NBEA: variants seen among roughly 807,000 people sequenced by gnomAD.
NBEA encodes the protein neurobeachin.
NBEA carries 44 observed loss-of-function variants against 343.4 expected under a neutral mutation model. That is an observed-to-expected ratio of 0.13 (90% CI 0.10 to 0.16). The LOEUF (loss-of-function observed/expected upper bound fraction) is 0.16. NBEA is among the 10% of genes least tolerant of loss of function. The probability of loss-of-function intolerance (pLI) is 1.00; values close to 1 mark genes in which losing one functional copy is unlikely to be tolerated. For missense variants in NBEA, 2,555 were observed against 3,631.3 expected, an observed-to-expected ratio of 0.70 and a Z score of 7.62; for synonymous variants, 1,175 against 1,238.7, an observed-to-expected ratio of 0.95 and a Z score of 1.08.
intron 18 of NBEA, among the ~76,000 whole-genome samples, chr13:35,144,703 T>G (rs2068307922): frequency 6.6e-6 from 1 of 152,094 alleles, no homozygotes; most frequent in Admixed American, 6.6e-5. Flanking sequence ...TCCTGCTGAT[T>G]AGAGATGTTG....
chr13:35,568,765 G>A (rs1331563086), intron 45 of NBEA, among the ~76,000 whole-genome samples: 1 of 152,136 alleles, frequency 6.6e-6, no homozygotes, highest in Non-Finnish European at 1.5e-5. Context: ...AATCCAAAGT[G>A]CTGCAGTGTT....
chr13:35,339,219 G>A (rs1302754611), intron 36 of NBEA, among the ~76,000 whole-genome samples: 1 of 151,754 alleles, frequency 6.6e-6, no homozygotes, highest in African/African-American at 2.4e-5. Flanking sequence ...CTCTCTATTT[G>A]TAGAAGGTAG....
intron 39 of NBEA, among the ~76,000 whole-genome samples, chr13:35,436,788 A>T (rs2045468674): frequency 6.6e-6 from 1 of 152,164 alleles, no homozygotes; most frequent in Admixed American, 6.5e-5. Flanking sequence ...TGGTCAAAAA[A>T]TTTTATATTG....
chr13:35,635,180 T>G (rs1446065452), intron 49 of NBEA, among the ~76,000 whole-genome samples: 2 of 152,180 alleles, frequency 1.3e-5, no homozygotes, highest in African/African-American at 4.8e-5. Flanking sequence ...ATTCTTTCTA[T>G]TATTCTTTAT....
At chr13:35,601,132 G>T (rs1566389770) in intron 47 of NBEA, among the ~76,000 whole-genome samples, 2 of 151,222 alleles carry the variant, frequency 1.3e-5, no homozygotes, top group Non-Finnish European at 2.9e-5. Context: ...AGCCGAGATG[G>T]CACCATTGCA....
chr13:35,296,254 A>G (rs2036121117), intron 35 of NBEA, among the ~76,000 whole-genome samples: 1 of 151,838 alleles, frequency 6.6e-6, no homozygotes, highest in African/African-American at 2.4e-5. Context: ...GGTGGTGGGC[A>G]CCTGTAGTCC....
chr13:35,067,075 T>C (rs2063679523), intron 8 of NBEA, among the ~76,000 whole-genome samples: 1 of 152,124 alleles, frequency 6.6e-6, no homozygotes, highest in Non-Finnish European at 1.5e-5. Context: ...TCTCTGTTTT[T>C]GTGATATTAT....
chr13:35,357,490 C>A (rs1046654010), intron 38 of NBEA, among the ~76,000 whole-genome samples: 2 of 151,948 alleles, frequency 1.3e-5, no homozygotes, highest in Non-Finnish European at 2.9e-5. Context: ...TGTTGTTCCC[C>A]TCTATATGTC....
chr13:35,467,341 A>G (rs932693495), intron 40 of NBEA, among the ~76,000 whole-genome samples: 13 of 151,972 alleles, frequency 8.6e-5, no homozygotes, highest in African/African-American at 1.9e-4. Context: ...GCATGGTGGT[A>G]TGCACCTGTA....
chr13:34,994,620 G>GA (rs2060877002), intron 1 of NBEA, among the ~76,000 whole-genome samples: 1 of 152,072 alleles, frequency 6.6e-6, no homozygotes, highest in Non-Finnish European at 1.5e-5. Context: ...TGAATATGGA[G>GA]AAAATCCTAC....
rs11355447 is a variant in NBEA, at chr13:35,407,517, CAA to C, written c.6180-24738_6180-24737del. 4.0e-3 allele frequency among the ~76,000 whole-genome samples: 542 copies of C among 135,138 alleles called. 3 individuals are homozygous for C. Among genetic ancestry groups the C allele is most frequent in the African/African-American group, 3.5e-3 (124 of 35,516 alleles). The allele number at this position is 135,138 out of a possible 152,430, so 88.7% of individuals were successfully genotyped here. A position where few individuals can be genotyped will look rare whatever the true frequency, so the allele number is the denominator to read the frequency against. ...ATCAGAAGACCTTTCTGCATCATTT[CAA>C]AAAAAAAAAAAAAGGCTGTAAGCCT... On this transcript the variant is annotated intron_variant, in intron 38 of 58. Coordinates refer to ENST00000379939, the MANE Select transcript of NBEA (RefSeq NM_001385012.1).
chr13:35,110,122 T>C (rs1016821367), intron 12 of NBEA, among the ~76,000 whole-genome samples: 1 of 150,126 alleles, frequency 6.7e-6, no homozygotes, highest in African/African-American at 2.5e-5. Context: ...TAGTTACATA[T>C]GTATACATGT....
At chr13:35,420,335 C>G (rs955624009) in intron 38 of NBEA, among the ~76,000 whole-genome samples, 12 of 151,944 alleles carry the variant, frequency 7.9e-5, no homozygotes, top group African/African-American at 2.9e-4. Context: ...AATTGTGAAT[C>G]GTTGCTAAAT....
chr13:35,191,870 T>G (rs1431642052), intron 30 of NBEA, among the ~76,000 whole-genome samples: 1 of 152,104 alleles, frequency 6.6e-6, no homozygotes, highest in Non-Finnish European at 1.5e-5. Flanking sequence ...TAAATCATGG[T>G]AAAACAGGAT....
At chr13:35,199,117 G>A (rs61947436) in intron 31 of NBEA, among the ~76,000 whole-genome samples, 5,175 of 152,134 alleles carry the variant, frequency 0.034, 92 homozygotes, top group South Asian at 0.055. Flanking sequence ...AAACTCTGAA[G>A]CTTTGAGCAG....
intron 41 of NBEA, among the ~76,000 whole-genome samples, chr13:35,542,160 C>G (rs1054615582): frequency 6.6e-6 from 1 of 151,836 alleles, no homozygotes; most frequent in Non-Finnish European, 1.5e-5. Flanking sequence ...ACACCCCCCC[C>G]CCACCGCATA....
In NBEA at chr13:35,500,025, T is replaced by C. The variant is rs556078274; in HGVS notation, c.6585+27489T>C. Among the ~76,000 whole-genome samples, 846 of 152,200 alleles carry C rather than the reference T, an allele frequency of 5.6e-3. 5 individuals carry two copies. Among genetic ancestry groups the C allele is most frequent in the Non-Finnish European group, 9.2e-3 (623 of 67,988 alleles). On this transcript the variant is annotated intron_variant, in intron 41 of 58. Coordinates refer to ENST00000379939, the MANE Select transcript of NBEA (RefSeq NM_001385012.1). ...GCTCTTCTGCTTTAATAGCAGCTTATTAAATTTGGGTCAAGCGTACTCTGA... is the reference window on the plus strand; with the variant it reads ...GCTCTTCTGCTTTAATAGCAGCTTACTAAATTTGGGTCAAGCGTACTCTGA...
At chr13:35,435,978 GA>G (rs879465384) in intron 39 of NBEA, among the ~76,000 whole-genome samples, 4 of 149,740 alleles carry the variant, frequency 2.7e-5, no homozygotes, top group Admixed American at 6.6e-5. Context: ...AAAGACAGGG[GA>G]AAAAAAGCTA....
chr13:35,413,485 T>A (rs1379212647), intron 38 of NBEA, among the ~76,000 whole-genome samples: 16 of 152,112 alleles, frequency 1.1e-4, no homozygotes, highest in Admixed American at 1.1e-3. Flanking sequence ...TAAATTCAGG[T>A]TCCTCTGTAG....
Sources: allele counts gnomAD v4.1 joint callset (sites outside exome capture counted in the v4.1 genomes callset), GRCh38; gene constraint gnomAD v4.1.1; transcripts MANE v1.5; gene names NCBI Gene and HGNC (gene_info 2026-07-23, HGNC 2026-07-21).